Variants in SOX5 observed in about 807,000 individuals in gnomAD.
SOX5 encodes the protein transcription factor SOX-5.
In SOX5, 9 loss-of-function variants were observed where a neutral mutation model predicts 92.0. The ratio of observed to expected loss-of-function variants is 0.10; its 90% CI spans 0.06 to 0.17. The LOEUF is 0.17. Among genes scored for constraint, SOX5 ranks in the 10% least tolerant of loss-of-function variants. SOX5 has a pLI of 1.00. For missense variants in SOX5, 642 were observed against 944.5 expected, an observed-to-expected ratio of 0.68 and a Z score of 4.20; for synonymous variants, 344 against 336.3, an observed-to-expected ratio of 1.02 and a Z score of -0.25.
intron 2 of SOX5, among the ~76,000 whole-genome samples, chr12:24,325,900 ACG>A (rs999527940): frequency 5.9e-5 from 9 of 152,198 alleles, no homozygotes; most frequent in Non-Finnish European, 8.8e-5. Context: ...GCACACGTGC[ACG>A]CGCGCGCGTG....
chr12:23,973,160 C>CTTTT (rs60609193), intron 4 of SOX5, among the ~76,000 whole-genome samples: 10 of 111,976 alleles, frequency 8.9e-5, no homozygotes, highest in South Asian at 2.8e-4. Flanking sequence ...TAACTTTTTT[C>CTTTT]TTTTTTTTTT....
At chr12:24,425,462 C>T (rs1300688822) in intron 1 of SOX5, among the ~76,000 whole-genome samples, 2 of 152,182 alleles carry the variant, frequency 1.3e-5, no homozygotes, top group Admixed American at 1.3e-4. Flanking sequence ...ACCATCAAAA[C>T]CACACTTCAC....
chr12:23,949,764 C>T, upstream of SOX5: 2 of 725,150 alleles, frequency 2.8e-6, no homozygotes, highest in Non-Finnish European at 4.2e-6. Context: ...CTCTCTCTCT[C>T]TGTCTCTCTC....
intron 8 of SOX5, among the ~76,000 whole-genome samples, chr12:23,619,949 A>T (rs2076983230): frequency 6.6e-6 from 1 of 152,186 alleles, no homozygotes; most frequent in South Asian, 2.1e-4. Flanking sequence ...CATAGAGCTT[A>T]CATAGAACAA....
At chr12:23,847,177 C>G (rs926134469) in intron 2 of SOX5, among the ~76,000 whole-genome samples, 5 of 152,034 alleles carry the variant, frequency 3.3e-5, no homozygotes, top group African/African-American at 4.8e-5. Flanking sequence ...TGTATAGTCT[C>G]TTACTTCCAT....
At chr12:24,028,197 A>G (rs571735279) in intron 4 of SOX5, among the ~76,000 whole-genome samples, 1 of 152,086 alleles carries the variant, frequency 6.6e-6, no homozygotes, top group African/African-American at 2.4e-5. Context: ...TTGTAATTAC[A>G]CCATGTACTT....
At chr12:23,800,035 G>A (rs889196973) in intron 3 of SOX5, among the ~76,000 whole-genome samples, 8 of 151,780 alleles carry the variant, frequency 5.3e-5, no homozygotes, top group African/African-American at 1.5e-4. Flanking sequence ...AAAGACAGCC[G>A]GAATATTCTT....
intron 4 of SOX5, among the ~76,000 whole-genome samples, chr12:23,960,264 A>G (rs1248518547): frequency 6.6e-6 from 1 of 152,040 alleles, no homozygotes; most frequent in Non-Finnish European, 1.5e-5. Context: ...AACACAGCAA[A>G]AGCTTACACA....
intron 4 of SOX5, among the ~76,000 whole-genome samples, chr12:23,968,848 A>C (rs1470231342): frequency 3.3e-5 from 5 of 152,046 alleles, no homozygotes; most frequent in Admixed American, 1.3e-4. Flanking sequence ...CAACCTTTGA[A>C]TCTTCGAGAT....
At chr12:24,008,409 C>G (rs370343944) in intron 4 of SOX5, among the ~76,000 whole-genome samples, 1 of 152,080 alleles carries the variant, frequency 6.6e-6, no homozygotes, top group African/African-American at 2.4e-5. Context: ...TTTGACACAA[C>G]AGGTTTAACA....
chr12:23,789,458 A>C (rs1387329695), intron 3 of SOX5, among the ~76,000 whole-genome samples: 1 of 152,088 alleles, frequency 6.6e-6, no homozygotes, highest in Non-Finnish European at 1.5e-5. Context: ...GTTTTATTCT[A>C]TCTGCCTCTG....
At chr12:24,510,534 A>G (rs559108393) in intron 1 of SOX5, among the ~76,000 whole-genome samples, 2 of 152,354 alleles carry the variant, frequency 1.3e-5, no homozygotes, top group South Asian at 4.1e-4. Context: ...GACAGGAAGT[A>G]AAGACCAGGT....
intron 2 of SOX5, among the ~76,000 whole-genome samples, chr12:24,349,023 G>A (rs574604369): frequency 3.3e-5 from 5 of 152,246 alleles, no homozygotes; most frequent in South Asian, 2.1e-4. Context: ...TCTCAGGTAC[G>A]CCTTTATTGG....
intron 1 of SOX5, among the ~76,000 whole-genome samples, chr12:23,909,217 A>G (rs2097325127): frequency 6.6e-6 from 1 of 152,218 alleles, no homozygotes; most frequent in Non-Finnish European, 1.5e-5. Context: ...CTTTAAAAGT[A>G]CGTCATAGAG....
intron 3 of SOX5, among the ~76,000 whole-genome samples, chr12:24,219,556 A>C (rs771819685): frequency 4.7e-4 from 72 of 152,118 alleles, no homozygotes; most frequent in Non-Finnish European, 8.7e-4. Context: ...TTAATGAAAT[A>C]CTCAAGAGGC....
intron 2 of SOX5, among the ~76,000 whole-genome samples, chr12:24,344,939 TA>T (rs901219156): frequency 2.0e-5 from 3 of 152,100 alleles, no homozygotes; most frequent in Admixed American, 2.0e-4. Context: ...AAACTCATAT[TA>T]AAAAAATGTG....
In SOX5 at chr12:24,248,923, G is replaced by A. The variant is rs149527444; in HGVS notation, c.-77+28293C>T. ...TTGCCGTTCAATTGACTGAAAGAAG[G>A]TAGTATATAGAGAAAGGCTAAATAA... On this transcript the variant is annotated intron_variant, in intron 3 of 4. Transcript: ENST00000446891. 4.8e-3 allele frequency among the ~76,000 whole-genome samples: 736 copies of A among 152,284 alleles called. 17 individuals carry two copies. In the South Asian group the frequency reaches 0.064, roughly 13 times the overall value.
Position 23,826,086 on chromosome 12 carries a change from C to T in SOX5, c.481+19897G>A, listed in dbSNP as rs547073566. Among the ~76,000 whole-genome samples, 7 of 152,158 alleles carry T rather than the reference C, an allele frequency of 4.6e-5. No homozygotes were observed. The East Asian group carries it at 1.2e-3, about 25-fold the overall frequency. ...ATGTGTACAATGTGCAGGTTAGTTA[C>T]ATATGCATACATGTGCCATGCTGGT... On this transcript the variant is annotated intron_variant, in intron 3 of 14. Transcript: ENST00000451604.
chr12:24,071,088 G>A (rs1225673006), intron 4 of SOX5, among the ~76,000 whole-genome samples: 1 of 152,184 alleles, frequency 6.6e-6, no homozygotes, highest in African/African-American at 2.4e-5. Flanking sequence ...AAGTTTGCCA[G>A]ACAAAGGATA....
Sources: allele counts gnomAD v4.1 joint callset (sites outside exome capture counted in the v4.1 genomes callset), GRCh38; gene constraint gnomAD v4.1.1; transcripts MANE v1.5; gene names NCBI Gene and HGNC (gene_info 2026-07-23, HGNC 2026-07-21).